ZSCAN1: variants seen among roughly 807,000 people sequenced by gnomAD.
ZSCAN1 encodes zinc finger and SCAN domain-containing protein 1.
A neutral mutation model predicts 23.8 loss-of-function variants in ZSCAN1; 23 were observed. The observed-to-expected ratio is 0.97, with a 90% CI of 0.70 to 1.37. The LOEUF (loss-of-function observed/expected upper bound fraction) is 1.37. Ranked by LOEUF, ZSCAN1 falls within the 40% of genes most tolerant of loss-of-function variation. ZSCAN1 has a pLI of 0.00. For synonymous variants in ZSCAN1, 236 were observed against 232.3 expected, an observed-to-expected ratio of 1.02 and a Z score of -0.15; for missense variants, 575 against 554.0, an observed-to-expected ratio of 1.04 and a Z score of -0.38.
intron 4 of ZSCAN1, chr19:58,046,626 C>T (rs2073828170): frequency 1.2e-6 from 1 of 847,888 alleles, no homozygotes; most frequent in African/African-American, 1.6e-5. Flanking sequence ...TCGACCACCT[C>T]ATCAAGGTGA....
chr19:58,050,222 G>A (rs937164927), intron 4 of ZSCAN1, among the ~76,000 whole-genome samples: 6 of 151,940 alleles, frequency 3.9e-5, no homozygotes, highest in African/African-American at 1.5e-4. Context: ...ATCACTAGAG[G>A]TCAGGAGTTC....
In ZSCAN1 at chr19:58,047,416, T is replaced by C. The variant is rs2073832981; in HGVS notation, c.466-5074T>C. Among the ~76,000 whole-genome samples the C allele has an allele frequency of 6.6e-6, 1 of 152,052 alleles. No homozygotes were observed. The stretch of plus-strand genomic sequence containing the variant: ...GGAGCTCTTTCTTAACTTTCTATTT[T>C]CCCCCAATTCTTTAAGCAGTCGATT... On this transcript the variant is annotated intron_variant, in intron 4 of 5. Transcript: ENST00000282326. The surrounding 1 kb of genome is among the most constrained non-coding windows in gnomAD (Gnocchi z 4.9).
chr19:58,038,334 C>T (rs1045342954), intron 3 of ZSCAN1, 128 bp downstream of exon 3: 9 of 1,212,922 alleles, frequency 7.4e-6, no homozygotes, highest in East Asian at 5.1e-5. Flanking sequence ...GCAAACCTCT[C>T]CTGCCCCGCG....
intron 4 of ZSCAN1, chr19:58,044,723 G>T: frequency 1.3e-6 from 1 of 748,462 alleles, no homozygotes; most frequent in Non-Finnish European, 2.4e-6. Flanking sequence ...GGGTTGAGGA[G>T]CTGCCCGAAA....
At chr19:58,052,655 G>C in intron 5 of ZSCAN1, 27 bp downstream of exon 5, 1 of 1,555,928 alleles carries the variant, frequency 6.4e-7, no homozygotes, top group Non-Finnish European at 8.7e-7. Flanking sequence ...TGTGGATTAA[G>C]GGTTGGAAAT....
chr19:58,053,603 G>C lies in ZSCAN1; in HGVS notation c.779G>C (p.Arg260Pro). 1.2e-6 allele frequency: 2 copies of C among 1,614,086 alleles called. No individual in the cohort carries two copies. The highest frequency in any genetic ancestry group is 1.7e-6 in the Non-Finnish European group (2 of 1,180,022). ...AACAGGAACACTGACCAGAGCGGCC[G>C]CCACCAGCCATCCCTCAAGCACACC... ...RRNRNTDQSG[R>P]HQPSLKHTKG... Residue 260 changes from arginine to proline, a missense_variant, in exon 6 of 6, where the codon CGC becomes CCC. By Grantham distance (103) the Arg-to-Pro change is moderately radical (BLOSUM62 -2). Transcript: ENST00000282326. This position sits in a 1 kb window ranked among gnomAD's most constrained non-coding sequence, Gnocchi z 5.8.
intron 4 of ZSCAN1, among the ~76,000 whole-genome samples, chr19:58,043,103 G>T (rs1021845863): frequency 2.6e-5 from 4 of 152,266 alleles, no homozygotes; most frequent in Non-Finnish European, 4.4e-5. Flanking sequence ...GAAGTCGCCG[G>T]GGATTAGCGG....
Position 58,037,909 on chromosome 19 carries a change from G to T in ZSCAN1, c.73G>T (p.Asp25Tyr). ...CCCAACCCCGAGTGAGCAGGACGCA[G>T]ACCCTGGGCCAGCAAGCCCCAGGGA... is the stretch of plus-strand genomic sequence containing the variant. ...QTPTPSEQDA[D>Y]PGPASPRDTE... The change falls in exon 3 of 6, where the codon GAC (aspartate) becomes TAC (tyrosine). Residue 25 changes from aspartate to tyrosine, a missense_variant. By Grantham distance (160) the Asp-to-Tyr change is radical. Transcript: ENST00000282326. 2 of 1,588,240 alleles carry T rather than the reference G, an allele frequency of 1.3e-6. No individual in the cohort carries two copies. Among genetic ancestry groups the T allele is most frequent in the South Asian group, 2.2e-5 (2 of 90,520 alleles).
chr19:58,054,970 A>G (rs918733284), downstream of ZSCAN1, among the ~76,000 whole-genome samples: 2 of 152,184 alleles, frequency 1.3e-5, no homozygotes, highest in African/African-American at 4.8e-5. The surrounding 1 kb of genome is among the most constrained non-coding windows in gnomAD (Gnocchi z 4.2). Flanking sequence ...AGGCTGGAGC[A>G]GAGTGTGGGC....
intron 4 of ZSCAN1, chr19:58,046,841 T>C (rs2073829612): frequency 1.5e-6 from 1 of 678,094 alleles, no homozygotes; most frequent in Admixed American, 2.1e-5. Flanking sequence ...CGATTTGCGG[T>C]GATTCTTAGT....
chr19:58,040,183 T>G lies in ZSCAN1; in HGVS notation c.371-267T>G, dbSNP rs2073776643. Among the ~76,000 whole-genome samples the G allele has an allele frequency of 6.6e-6, 1 of 152,130 alleles. No homozygotes were observed. Among genetic ancestry groups the G allele is most frequent in the Non-Finnish European group, 1.5e-5 (1 of 68,000 alleles). ...CCTCCCTAGTTAGTCAGTGCTGCAG[T>G]GTGTGTCCTCGTGGGCTTCTGGAGG... On this transcript the variant is annotated intron_variant, in intron 3 of 5. Coordinates refer to ENST00000282326, the MANE Select transcript of ZSCAN1 (RefSeq NM_182572.4). The surrounding 1 kb of genome is among the most constrained non-coding windows in gnomAD (Gnocchi z 5.8).
chr19:58,046,108 C>T, intron 4 of ZSCAN1: 1 of 692,868 alleles, frequency 1.4e-6, no homozygotes, highest in Non-Finnish European at 2.6e-6. Context: ...GCCAGAAGTG[C>T]CTGACACTGT....
At position 58,049,511 on chromosome 19, in the gene ZSCAN1, C is replaced by T. The variant is rs762696190; in HGVS notation, c.466-2979C>T. ...CAGGGTCAGGCAGCAGCTTATGCTACGGAGTTGGATTTCAAATGGTGGTGG... is the reference window on the plus strand; with the variant it reads ...CAGGGTCAGGCAGCAGCTTATGCTATGGAGTTGGATTTCAAATGGTGGTGG... On this transcript the variant is annotated intron_variant, in intron 4 of 5. Coordinates refer to ENST00000282326, the MANE Select transcript of ZSCAN1 (RefSeq NM_182572.4). The surrounding 1 kb of genome is among the most constrained non-coding windows in gnomAD (Gnocchi z 4.5). 6.6e-6 allele frequency among the ~76,000 whole-genome samples: 1 copy of T among 152,046 alleles called. No homozygotes were observed. The highest frequency in any genetic ancestry group is 1.5e-5 in the Non-Finnish European group (1 of 68,026).
At chr19:58,037,637 G>A (rs1019717657) in intron 2 of ZSCAN1, 91 bp from the exon 3 acceptor site, 1 of 592,198 alleles carries the variant, frequency 1.7e-6, no homozygotes, top group Admixed American at 3.7e-5. Context: ...GGTGCTGGAG[G>A]TCAGAACAAG....
chr19:58,038,747 CT>C (rs1265195036), intron 3 of ZSCAN1, among the ~76,000 whole-genome samples: 6 of 152,260 alleles, frequency 3.9e-5, no homozygotes, highest in African/African-American at 1.2e-4. Context: ...ATCTTTGCCC[CT>C]GTGACCCCAC....
chr19:58,041,231 T>C (rs1191020771), intron 4 of ZSCAN1, among the ~76,000 whole-genome samples: 1 of 152,170 alleles, frequency 6.6e-6, no homozygotes, highest in Non-Finnish European at 1.5e-5. Flanking sequence ...GGTCGAACAA[T>C]GAATGGAGCA....
In ZSCAN1 at chr19:58,037,799, C is replaced by CCA; in HGVS notation, c.-30_-29dup. On this transcript the variant is annotated 5_prime_UTR_variant, in exon 3 of 6. Coordinates refer to ENST00000282326, the MANE Select transcript of ZSCAN1 (RefSeq NM_182572.4). ...GAGCCACTGGGACTCGGGATCCAGT[C>CCA]CACACACACCCCTCAGAGGGGCACT... 2 of 1,439,034 alleles carry CCA rather than the reference C, an allele frequency of 1.4e-6. No individual in the cohort carries two copies. Among genetic ancestry groups the CCA allele is most frequent in the South Asian group, 1.5e-5 (1 of 68,390 alleles). 89.1% of individuals were successfully genotyped at this position (1,439,034 alleles called of 1,614,324 possible).
At chr19:58,048,737 G>A (rs1052922369) in intron 4 of ZSCAN1, among the ~76,000 whole-genome samples, 9 of 152,034 alleles carry the variant, frequency 5.9e-5, no homozygotes, top group Admixed American at 4.6e-4. Context: ...GGATGATGGC[G>A]TGAGCCACCG....
At chr19:58,042,313 A>G (rs1007118644) in intron 4 of ZSCAN1, among the ~76,000 whole-genome samples, 5 of 151,130 alleles carry the variant, frequency 3.3e-5, no homozygotes, top group Non-Finnish European at 5.9e-5. Flanking sequence ...GCTGGAGTGC[A>G]GTGGCGCGAT....
Sources: gnomAD v4.1 joint callset for allele counts (sites outside exome capture counted in the v4.1 genomes callset) on GRCh38, gnomAD v4.1.1 for gene constraint, Gnocchi (gnomAD v3.1) non-coding constraint, MANE v1.5 for transcripts, NCBI Gene and HGNC (gene_info 2026-07-23, HGNC 2026-07-21) for gene names.